METTL15: variants seen among roughly 807,000 people sequenced by gnomAD.
METTL15 encodes methyltransferase 15, mitochondrial 12S rRNA N4-cytidine.
METTL15 carries 34 observed loss-of-function variants against 38.3 expected under a neutral mutation model. That is an observed-to-expected ratio of 0.89 (90% CI 0.68 to 1.18). METTL15 has a LOEUF of 1.18. Ranked by LOEUF, METTL15 falls within the 50% of genes most tolerant of loss-of-function variation. The probability of loss-of-function intolerance (pLI) is 0.00; values close to 1 mark genes in which losing one functional copy is unlikely to be tolerated. For missense variants in METTL15, 438 were observed against 498.4 expected (o/e 0.88, Z 1.15); for synonymous variants, 162 against 170.9 (o/e 0.95, Z 0.41).
At chr11:28,512,704 C>T (rs912326085) in intron 6 of METTL15, among the ~76,000 whole-genome samples, 1 of 152,210 alleles carries the variant, frequency 6.6e-6, no homozygotes, top group South Asian at 2.1e-4. Context: ...GGTTCCCTCT[C>T]GCGCCTCTCC....
chr11:28,403,001 A>G (rs1053219304), intron 5 of METTL15, among the ~76,000 whole-genome samples: 8 of 152,000 alleles, frequency 5.3e-5, no homozygotes, highest in African/African-American at 1.7e-4. Context: ...CACCCAAAGG[A>G]AAAGAAATCA....
In METTL15 at chr11:28,125,633, G is replaced by A. The variant is rs927444967; in HGVS notation, c.270+12029G>A. The A allele has an allele frequency of 8.6e-5, 13 of 151,928 alleles. 1 individual carries two copies. The highest frequency in any genetic ancestry group is 1.9e-4 in the Non-Finnish European group (13 of 67,944). The allele number at this position is 151,928 out of a possible 1,614,324, so 9.4% of individuals were successfully genotyped here. ...CTCTCACACCTTTCACTGTACTTCT[G>A]TAATAAAGGGAATTAGAATAATTTA... On this transcript the variant is annotated intron_variant, in intron 3 of 6. Transcript: ENST00000407364.
chr11:28,204,681 T>C (rs537684780), intron 3 of METTL15, among the ~76,000 whole-genome samples: 2 of 152,064 alleles, frequency 1.3e-5, no homozygotes, highest in African/African-American at 4.8e-5. Context: ...AGTGCAGTCT[T>C]AGTTTGTAAA....
intron 6 of METTL15, among the ~76,000 whole-genome samples, chr11:28,452,754 GC>G (rs1480796104): frequency 1.3e-5 from 2 of 152,128 alleles, no homozygotes; most frequent in Non-Finnish European, 2.9e-5. Context: ...CTCCATCACT[GC>G]CCCCGTTGAG....
chr11:28,456,177 TA>T (rs1851167146), intron 6 of METTL15, among the ~76,000 whole-genome samples: 1 of 151,728 alleles, frequency 6.6e-6, no homozygotes, highest in Non-Finnish European at 1.5e-5. Flanking sequence ...GGCTAATTTT[TA>T]AAAAAAATTT....
Position 28,187,589 on chromosome 11 carries a change from C to T in METTL15, c.271-23473C>T, listed in dbSNP as rs926086674. 2.7e-5 allele frequency among the ~76,000 whole-genome samples: 4 copies of T among 148,486 alleles called. No homozygotes were observed. In the Admixed American group the frequency reaches 2.7e-4, roughly 10 times the overall value. ...TATTAAAATAATAGAAACATAGTCA[C>T]CACATACTTGCAACACTAGACATAT... is the stretch of plus-strand genomic sequence containing the variant. On this transcript the variant is annotated intron_variant, in intron 3 of 6. Transcript: ENST00000407364.
chr11:28,225,532 G>A (rs936870611), intron 4 of METTL15, among the ~76,000 whole-genome samples: 6 of 151,310 alleles, frequency 4.0e-5, no homozygotes, highest in African/African-American at 1.5e-4. Flanking sequence ...GAAGTCTGAG[G>A]TCAACCCAGT....
intron 4 of METTL15, among the ~76,000 whole-genome samples, chr11:28,286,086 A>C (rs549443211): frequency 1.3e-5 from 2 of 152,274 alleles, no homozygotes; most frequent in East Asian, 1.9e-4. Context: ...AATTTATTTC[A>C]AGGAGTTAAC....
At chr11:28,182,735 G>A (rs1415171132) in intron 3 of METTL15, among the ~76,000 whole-genome samples, 1 of 151,982 alleles carries the variant, frequency 6.6e-6, no homozygotes, top group Non-Finnish European at 1.5e-5. Context: ...TCTTGGCTAT[G>A]CGGGGTCTTA....
At chr11:28,383,754 T>C (rs1360213851) in intron 5 of METTL15, among the ~76,000 whole-genome samples, 4 of 152,176 alleles carry the variant, frequency 2.6e-5, no homozygotes, top group Non-Finnish European at 4.4e-5. Context: ...TGGCCATGTG[T>C]ATGTCTTCTT....
In METTL15 at chr11:28,430,199, G is replaced by A. The variant is rs1369870798; in HGVS notation, c.*424+5835G>A. On this transcript the variant is annotated intron_variant and NMD_transcript_variant, in intron 6 of 7. Transcript: ENST00000532947. ...TGGGAAGTGAGGAGCGTCTCCACCC[G>A]GCAGCCACCCCGTCCGGGAGGGAGG... 1.8e-4 allele frequency among the ~76,000 whole-genome samples: 27 copies of A among 151,670 alleles called. No individual in the cohort carries two copies. In the South Asian group the frequency reaches 4.4e-3, roughly 25 times the overall value.
intron 6 of METTL15, among the ~76,000 whole-genome samples, chr11:28,430,988 AG>A (rs1430201376): frequency 1.3e-5 from 1 of 76,120 alleles, no homozygotes; most frequent in Non-Finnish European, 3.1e-5. Flanking sequence ...GGAAGTGAGG[AG>A]CCCCTCTGCC....
At chr11:28,203,515 A>G (rs1852193009) in intron 3 of METTL15, among the ~76,000 whole-genome samples, 1 of 152,056 alleles carries the variant, frequency 6.6e-6, no homozygotes, top group Non-Finnish European at 1.5e-5. Flanking sequence ...AATTGTTTTT[A>G]TTTCAATGTG....
At chr11:28,484,155 C>T (rs1851419141) in intron 6 of METTL15, among the ~76,000 whole-genome samples, 1 of 152,150 alleles carries the variant, frequency 6.6e-6, no homozygotes, top group African/African-American at 2.4e-5. Flanking sequence ...TGCTCTAAAT[C>T]TGGAATTATT....
At chr11:28,174,654 A>G (rs1329827588) in intron 3 of METTL15, among the ~76,000 whole-genome samples, 4 of 151,906 alleles carry the variant, frequency 2.6e-5, no homozygotes, top group Non-Finnish European at 5.9e-5. Context: ...CTCTACTAAA[A>G]ATACAAAAAA....
At chr11:28,489,577 A>C (rs1241393520) in intron 6 of METTL15, among the ~76,000 whole-genome samples, 3 of 152,242 alleles carry the variant, frequency 2.0e-5, no homozygotes, top group Admixed American at 6.5e-5. Context: ...CATGTGCCTT[A>C]GAAAGGGAGA....
chr11:28,360,765 G>A lies in METTL15; in HGVS notation c.*259-1172G>A, dbSNP rs1005623144. Among the ~76,000 whole-genome samples the A allele has an allele frequency of 4.0e-5, 6 of 150,818 alleles. No individual in the cohort carries two copies. In the South Asian group the frequency reaches 6.4e-4, roughly 16 times the overall value. On this transcript the variant is annotated intron_variant and NMD_transcript_variant, in intron 4 of 7. Transcript: ENST00000532947. Reference sequence around the variant, plus strand: ...GCTGGTGTGCTGCACCCATTAACTCGTCATTTAGCATTAGGTATATCTCCC... The same window carrying A: ...GCTGGTGTGCTGCACCCATTAACTCATCATTTAGCATTAGGTATATCTCCC...
intron 4 of METTL15, among the ~76,000 whole-genome samples, chr11:28,359,708 C>CGAAA (rs1850119725): frequency 6.6e-6 from 1 of 152,094 alleles, no homozygotes; most frequent in Non-Finnish European, 1.5e-5. Context: ...ACTTGTGCGT[C>CGAAA]TTTCTACAAG....
At chr11:28,330,262 TGAA>T in intron 6 of METTL15, 131 bp from the exon 7 acceptor site, 1 of 781,942 alleles carries the variant, frequency 1.3e-6, no homozygotes, top group Non-Finnish European at 2.0e-6. Flanking sequence ...GAAGTATGAA[TGAA>T]GTGCCACCAC....
Sources: gnomAD v4.1 joint callset for allele counts (sites outside exome capture counted in the v4.1 genomes callset) on GRCh38, gnomAD v4.1.1 for gene constraint, MANE v1.5 for transcripts, NCBI Gene and HGNC (gene_info 2026-07-23, HGNC 2026-07-21) for gene names.